PAMR1: variants seen among roughly 807,000 people sequenced by gnomAD.
The protein encoded by PAMR1 is inactive serine protease PAMR1.
PAMR1 carries 88 observed loss-of-function variants against 81.8 expected under a neutral mutation model. The observed-to-expected ratio is 1.08, with a 90% confidence interval of 0.91 to 1.28. PAMR1 has a LOEUF of 1.28. Among genes scored for constraint, PAMR1 ranks in the 50% most tolerant of loss-of-function variants. The probability of loss-of-function intolerance (pLI) is 0.00; values close to 1 mark genes in which losing one functional copy is unlikely to be tolerated. For missense variants in PAMR1, 935 were observed against 919.7 expected (o/e 1.02, Z -0.21); for synonymous variants, 336 against 345.3 (o/e 0.97, Z 0.30).
At chr11:35,472,799 T>C (rs1321262133) in intron 4 of PAMR1, among the ~76,000 whole-genome samples, 1 of 152,086 alleles carries the variant, frequency 6.6e-6, no homozygotes, top group Non-Finnish European at 1.5e-5. Flanking sequence ...AGGTGGTGAA[T>C]GAATGGGAGA....
chr11:35,447,145 A>T (rs1856309862), intron 6 of PAMR1, among the ~76,000 whole-genome samples: 1 of 150,272 alleles, frequency 6.7e-6, no homozygotes, highest in South Asian at 2.1e-4. Context: ...AGAAACTAGC[A>T]TTGCAGCCCC....
intron 4 of PAMR1, among the ~76,000 whole-genome samples, chr11:35,472,330 A>G (rs1194184548): frequency 1.3e-5 from 2 of 152,226 alleles, no homozygotes; most frequent in East Asian, 3.8e-4. Flanking sequence ...ATTTGCGTTC[A>G]TGCATTCATT....
At chr11:35,512,427 A>G (rs965250931) in intron 1 of PAMR1, among the ~76,000 whole-genome samples, 2 of 152,224 alleles carry the variant, frequency 1.3e-5, no homozygotes, top group Non-Finnish European at 2.9e-5. Flanking sequence ...AAGAAAGATC[A>G]GAACTCAGCT....
intron 3 of PAMR1, among the ~76,000 whole-genome samples, chr11:35,491,479 C>T (rs760620219): frequency 6.6e-5 from 10 of 152,122 alleles, no homozygotes; most frequent in African/African-American, 9.7e-5. Context: ...AGGGCACTGT[C>T]GGGGGGAATC....
chr11:35,449,534 T>C (rs886858566), intron 6 of PAMR1, among the ~76,000 whole-genome samples: 27 of 152,268 alleles, frequency 1.8e-4, no homozygotes, highest in African/African-American at 6.3e-4. Flanking sequence ...TGTGAGGAAT[T>C]CTTCTCTGTC....
chr11:35,526,250 G>T (rs544781060), upstream of PAMR1, among the ~76,000 whole-genome samples: 13 of 152,236 alleles, frequency 8.5e-5, no homozygotes, highest in East Asian at 2.5e-3. Flanking sequence ...TATGATCCCC[G>T]TCATGGTGAA....
Position 35,441,691 on chromosome 11 carries a change from G to A in PAMR1, c.823C>T (p.Leu275Phe). The change falls in exon 7 of 11, where the codon CTT becomes TTT. Residue 275 changes from leucine to phenylalanine, a missense_variant and splice_region_variant. Coordinates refer to ENST00000619888, the MANE Select transcript of PAMR1 (RefSeq NM_001001991.3). ...GGGTCTGAGCAGTTTCTTTCTTCAA[G>A]GACTAAAAGAAAGTAAAAGAAAAGG... is the stretch of plus-strand genomic sequence containing the variant. ...GYTGQRCENL[L>F]EERNCSDPGG... 1 of 1,590,580 alleles carries A rather than the reference G, an allele frequency of 6.3e-7. No individual in the cohort carries two copies.
intron 1 of PAMR1, among the ~76,000 whole-genome samples, chr11:35,518,468 T>A (rs1325890082): frequency 2.0e-5 from 3 of 151,680 alleles, no homozygotes; most frequent in African/African-American, 7.3e-5. Flanking sequence ...TTCCACGTCT[T>A]ATGCCTTACG....
chr11:35,478,833 GGC>G (rs1850328838), intron 3 of PAMR1, among the ~76,000 whole-genome samples: 1 of 151,088 alleles, frequency 6.6e-6, no homozygotes, highest in African/African-American at 2.4e-5. Context: ...TAGGTGTGTG[GGC>G]GTGTGTGTGT....
intron 3 of PAMR1, among the ~76,000 whole-genome samples, chr11:35,478,624 C>A (rs532052471): frequency 2.0e-5 from 3 of 152,134 alleles, no homozygotes; most frequent in African/African-American, 4.8e-5. Flanking sequence ...GGAGAGCTGG[C>A]GAGGCTGGGT....
At chr11:35,457,516 A>G (rs1453277760) in intron 6 of PAMR1, among the ~76,000 whole-genome samples, 1 of 152,114 alleles carries the variant, frequency 6.6e-6, no homozygotes, top group Non-Finnish European at 1.5e-5. Context: ...ACACATATTT[A>G]TATAAATTCT....
At chr11:35,460,006 C>A (rs1018430693) in intron 6 of PAMR1, among the ~76,000 whole-genome samples, 1 of 152,186 alleles carries the variant, frequency 6.6e-6, no homozygotes, top group Non-Finnish European at 1.5e-5. Context: ...CAGAGCCTGG[C>A]CTATATTAAC....
chr11:35,439,026 C>T (rs1004825188), intron 8 of PAMR1, among the ~76,000 whole-genome samples: 1 of 152,012 alleles, frequency 6.6e-6, no homozygotes, highest in Non-Finnish European at 1.5e-5. Context: ...CAAGGAGGCC[C>T]GTGTAGCTGA....
chr11:35,514,627 T>C (rs992023506), intron 1 of PAMR1, among the ~76,000 whole-genome samples: 2 of 152,242 alleles, frequency 1.3e-5, no homozygotes. Flanking sequence ...TGTTGGAATA[T>C]GAGCTGAATA....
At chr11:35,524,846 A>G (rs1851355299) in intron 1 of PAMR1, among the ~76,000 whole-genome samples, 1 of 152,202 alleles carries the variant, frequency 6.6e-6, no homozygotes, top group Admixed American at 6.5e-5. Flanking sequence ...AGAAAATGAT[A>G]TATGAAAACC....
intron 1 of PAMR1, among the ~76,000 whole-genome samples, chr11:35,511,894 A>G (rs1851079220): frequency 1.3e-5 from 2 of 152,136 alleles, no homozygotes; most frequent in African/African-American, 2.4e-5. Context: ...GTCAGAGGCG[A>G]CAGATTGCTT....
At position 35,464,677 on chromosome 11, in the gene PAMR1, C is replaced by T. The variant is rs117698551; in HGVS notation, c.820+3324G>A. 5.6e-3 allele frequency among the ~76,000 whole-genome samples: 847 copies of T among 152,008 alleles called. 41 individuals carry two copies. In the South Asian group the frequency reaches 0.11, roughly 19 times the overall value. ...ACATAGACCACTTAGGTTTGCATACCGCAGAAAAAAAGGTCTAGAAGAATA... is the reference window on the plus strand; with the variant it reads ...ACATAGACCACTTAGGTTTGCATACTGCAGAAAAAAAGGTCTAGAAGAATA... On this transcript the variant is annotated intron_variant, in intron 6 of 10. Coordinates refer to ENST00000619888, the MANE Select transcript of PAMR1 (RefSeq NM_001001991.3).
chr11:35,514,657 T>C lies in PAMR1; in HGVS notation c.73+10856A>G, dbSNP rs562688900. On this transcript the variant is annotated intron_variant, in intron 1 of 10. Coordinates refer to ENST00000619888, the MANE Select transcript of PAMR1 (RefSeq NM_001001991.3). ...TGAATAGGTCTTATTTTTATTAGCA[T>C]TGGTTACTGAATAAAATAATTGAAT... is the stretch of plus-strand genomic sequence containing the variant. 4.0e-4 allele frequency among the ~76,000 whole-genome samples: 61 copies of C among 152,300 alleles called. 1 individual carries two copies. The South Asian group carries it at 0.013, about 32-fold the overall frequency.
intron 9 of PAMR1, among the ~76,000 whole-genome samples, chr11:35,435,170 G>A (rs1242048103): frequency 2.6e-5 from 4 of 152,082 alleles, no homozygotes; most frequent in Non-Finnish European, 5.9e-5. Context: ...GATGGTACAT[G>A]CAAACAAACT....
Sources: gnomAD v4.1 joint callset for allele counts (sites outside exome capture counted in the v4.1 genomes callset) on GRCh38, gnomAD v4.1.1 for gene constraint, MANE v1.5 for transcripts, NCBI Gene and HGNC (gene_info 2026-07-23, HGNC 2026-07-21) for gene names.